AGTR1: variants seen among roughly 807,000 people sequenced by gnomAD.
AGTR1 encodes angiotensin II receptor type 1.
Under a neutral mutation model 19.4 loss-of-function variants are expected in AGTR1, and 16 were observed. That is an observed-to-expected ratio of 0.82 (90% confidence interval 0.56 to 1.25). The LOEUF (loss-of-function observed/expected upper bound fraction) is 1.25, where lower values mean the gene tolerates loss of function less well. Among genes scored for constraint, AGTR1 ranks in the 50% most tolerant of loss-of-function variants. The pLI, the probability that AGTR1 is intolerant of heterozygous loss-of-function variation, is 0.00. For missense variants in AGTR1, 373 were observed against 431.9 expected, an observed-to-expected ratio of 0.86 and a Z score of 1.21; for synonymous variants, 153 against 154.9, an observed-to-expected ratio of 0.99 and a Z score of 0.09.
At chr3:148,703,235 T>C (rs1056236177) in intron 1 of AGTR1, among the ~76,000 whole-genome samples, 4 of 152,280 alleles carry the variant, frequency 2.6e-5, no homozygotes, top group Admixed American at 6.5e-5. Context: ...GAGGAAACCA[T>C]CTAAAATTAT....
At chr3:148,735,890 A>C (rs966527054) in intron 2 of AGTR1, among the ~76,000 whole-genome samples, 1 of 152,228 alleles carries the variant, frequency 6.6e-6, no homozygotes. Context: ...CACTATAAGC[A>C]AATGGCTTAC....
chr3:148,722,453 C>T (rs1300283789), intron 2 of AGTR1, among the ~76,000 whole-genome samples: 2 of 152,148 alleles, frequency 1.3e-5, no homozygotes, highest in African/African-American at 4.8e-5. Context: ...AACATTCTTC[C>T]CTGGACGCTG....
intron 2 of AGTR1, among the ~76,000 whole-genome samples, chr3:148,715,318 C>T (rs1024199126): frequency 1.3e-5 from 2 of 152,036 alleles, no homozygotes; most frequent in African/African-American, 2.4e-5. Context: ...AATCTGTGTT[C>T]GCAGGTTGAA....
chr3:148,740,398 C>G lies in AGTR1; in HGVS notation c.-47-591C>G, dbSNP rs12721319. 2.2e-3 allele frequency among the ~76,000 whole-genome samples: 342 copies of G among 152,296 alleles called. 4 individuals are homozygous for G. Among genetic ancestry groups the G allele is most frequent in the African/African-American group, 7.9e-3 (330 of 41,572 alleles). On this transcript the variant is annotated intron_variant, in intron 2 of 2. Coordinates refer to ENST00000349243, the MANE Select transcript of AGTR1 (RefSeq NM_000685.5). ...TGGAAAAAATCCTATTCCTCAAAGT[C>G]GAGCCCTACCTCCTACGCCTCTTAA...
chr3:148,735,828 GAAC>G (rs960675979), intron 2 of AGTR1, among the ~76,000 whole-genome samples: 7 of 152,086 alleles, frequency 4.6e-5, no homozygotes, highest in African/African-American at 1.7e-4. Context: ...TATAAAATAG[GAAC>G]AATAAAGACA....
chr3:148,704,478 G>A (rs1712555773), intron 1 of AGTR1, among the ~76,000 whole-genome samples: 1 of 151,884 alleles, frequency 6.6e-6, no homozygotes, highest in Admixed American at 6.6e-5. Flanking sequence ...ATTCTCCCTT[G>A]GATTGGACAA....
chr3:148,711,204 C>T lies in AGTR1; in HGVS notation c.-48+3177C>T, dbSNP rs888780397. ...TCTTAATCACTATTTGTCACTAATA[C>T]GATAACATTAATAAAATTTGAGTCT... On this transcript the variant is annotated intron_variant, in intron 2 of 2. Coordinates refer to ENST00000349243, the MANE Select transcript of AGTR1 (RefSeq NM_000685.5). Among the ~76,000 whole-genome samples the T allele has an allele frequency of 3.9e-5, 6 of 152,202 alleles. 1 individual carries two copies. Among genetic ancestry groups the T allele is most frequent in the Admixed American group, 2.6e-4 (4 of 15,280 alleles).
chr3:148,701,877 C>T (rs73866627), intron 1 of AGTR1, among the ~76,000 whole-genome samples: 2,257 of 152,006 alleles, frequency 0.015, 58 homozygotes, highest in African/African-American at 0.051. Flanking sequence ...TTCATCTTCA[C>T]CAAATAATGT....
chr3:148,712,381 A>G (rs1406563851), intron 2 of AGTR1, among the ~76,000 whole-genome samples: 1 of 152,136 alleles, frequency 6.6e-6, no homozygotes, highest in Non-Finnish European at 1.5e-5. Context: ...GGAACAAGGT[A>G]TTGCAAGTCC....
intron 2 of AGTR1, among the ~76,000 whole-genome samples, chr3:148,732,028 T>C (rs1714285580): frequency 6.6e-6 from 1 of 152,268 alleles, no homozygotes; most frequent in Non-Finnish European, 1.5e-5. Flanking sequence ...TCTGGGCAAT[T>C]AGACCACATT....
At chr3:148,721,208 G>T (rs1443866238) in intron 2 of AGTR1, among the ~76,000 whole-genome samples, 1 of 152,142 alleles carries the variant, frequency 6.6e-6, no homozygotes, top group Non-Finnish European at 1.5e-5. Context: ...TGTTCATTCA[G>T]CTCCAGTCCT....
intron 2 of AGTR1, among the ~76,000 whole-genome samples, chr3:148,725,445 T>A (rs565084750): frequency 1.3e-5 from 2 of 152,234 alleles, no homozygotes; most frequent in Non-Finnish European, 2.9e-5. Context: ...TATATAATAA[T>A]GCAACAAATT....
rs975580623 is a variant in AGTR1 at position 148,742,884 on chromosome 3, TA to T, written c.*776del. 111 of 167,026 alleles carry T rather than the reference TA, an allele frequency of 6.6e-4. No homozygotes were observed. Among genetic ancestry groups the T allele is most frequent in the South Asian group, 5.0e-3 (24 of 4,814 alleles). The allele number at this position is 167,026 out of a possible 1,614,324, so 10.3% of individuals were successfully genotyped here. On this transcript the variant is annotated 3_prime_UTR_variant, in exon 3 of 3. Transcript: ENST00000349243. ...ATATCATAAAGTATGCCTTCCTGTT[TA>T]AAAAAAGTATATATTCTACACATAT...
chr3:148,714,581 C>G (rs1252295383), intron 2 of AGTR1, among the ~76,000 whole-genome samples: 5 of 151,864 alleles, frequency 3.3e-5, no homozygotes, highest in African/African-American at 4.8e-5. Flanking sequence ...GAATGGATGC[C>G]AGAACAGGAG....
chr3:148,713,885 CT>C (rs1233616325), intron 2 of AGTR1, among the ~76,000 whole-genome samples: 1 of 152,158 alleles, frequency 6.6e-6, no homozygotes, highest in Non-Finnish European at 1.5e-5. Flanking sequence ...TCTTTAATGC[CT>C]TATACTGGGT....
At chr3:148,708,941 G>A (rs1289276853) in intron 2 of AGTR1, among the ~76,000 whole-genome samples, 1 of 152,128 alleles carries the variant, frequency 6.6e-6, no homozygotes, top group Non-Finnish European at 1.5e-5. Context: ...AATATTAGAG[G>A]GATGCTTCTT....
chr3:148,742,724 G>A lies in AGTR1; in HGVS notation c.*609G>A, dbSNP rs1714989963. 5.6e-6 allele frequency: 1 copy of A among 177,072 alleles called. No individual in the cohort carries two copies. Among genetic ancestry groups the A allele is most frequent in the South Asian group, 1.7e-4 (1 of 5,846 alleles). 11.0% of individuals were successfully genotyped at this position (177,072 alleles called of 1,614,324 possible). A position where few individuals can be genotyped will look rare whatever the true frequency, so the allele number is the denominator to read the frequency against. ...CGTAAGATGGCTTATTTGTATAATG[G>A]TGTTACTAAAGTCACATATAAAAGT... On this transcript the variant is annotated 3_prime_UTR_variant, in exon 3 of 3. Transcript: ENST00000349243.
At chr3:148,707,196 CAAA>C (rs1435336163) in intron 1 of AGTR1, among the ~76,000 whole-genome samples, 1 of 151,676 alleles carries the variant, frequency 6.6e-6, no homozygotes, top group East Asian at 1.9e-4. Context: ...ATAAATGAAA[CAAA>C]GAAGAAAATA....
At chr3:148,728,185 C>CA (rs1475884224) in intron 2 of AGTR1, among the ~76,000 whole-genome samples, 2 of 152,094 alleles carry the variant, frequency 1.3e-5, no homozygotes, top group African/African-American at 4.8e-5. Flanking sequence ...TACAGAATGT[C>CA]AAAAACGTAA....
Sources: allele counts gnomAD v4.1 joint callset (sites outside exome capture counted in the v4.1 genomes callset), GRCh38; gene constraint gnomAD v4.1.1; transcripts MANE v1.5; gene names NCBI Gene and HGNC (gene_info 2026-07-23, HGNC 2026-07-21).